The following COL15A1 variants were observed in gnomAD, a reference collection of about 807,000 sequenced individuals.
COL15A1 encodes collagen alpha-1(XV) chain.
A neutral mutation model predicts 165.9 loss-of-function variants in COL15A1; 111 were observed. The ratio of observed to expected loss-of-function variants is 0.67; its 90% CI spans 0.57 to 0.78. The LOEUF is 0.78. Among genes scored for constraint, COL15A1 ranks in the 30% least tolerant of loss-of-function variants. COL15A1 has a pLI of 0.00. For missense variants in COL15A1, 1,745 were observed against 1,789.7 expected (o/e 0.98, Z 0.45); for synonymous variants, 659 against 674.8 (o/e 0.98, Z 0.36).
At chr9:98,953,183 G>A (rs140027294) in intron 2 of COL15A1, among the ~76,000 whole-genome samples, 1 of 152,330 alleles carries the variant, frequency 6.6e-6, no homozygotes, top group African/African-American at 2.4e-5. Context: ...CAAAGTCAGA[G>A]CATCAGATTG....
At chr9:99,068,943 A>T (rs1825939757) in intron 41 of COL15A1, among the ~76,000 whole-genome samples, 1 of 152,226 alleles carries the variant, frequency 6.6e-6, no homozygotes, top group Admixed American at 6.5e-5. Context: ...TATGTCATAG[A>T]ATTGTGAGAA....
At chr9:98,975,098 G>A (rs534550551) in intron 2 of COL15A1, among the ~76,000 whole-genome samples, 1 of 152,364 alleles carries the variant, frequency 6.6e-6, no homozygotes, top group Admixed American at 6.5e-5. Flanking sequence ...GCCAGGAGCC[G>A]CTGCCGCGCA....
intron 30 of COL15A1, among the ~76,000 whole-genome samples, chr9:99,051,375 A>G (rs1048346224): frequency 2.0e-5 from 3 of 152,114 alleles, no homozygotes; most frequent in African/African-American, 7.2e-5. Flanking sequence ...AAGATTTTTT[A>G]CTTCATATTG....
chr9:99,020,429 C>A lies in COL15A1; in HGVS notation c.1688C>A (p.Pro563His). Residue 563 changes from proline to histidine, a missense_variant, in exon 12 of 42, where the codon CCC becomes CAC. Coordinates refer to ENST00000375001, the MANE Select transcript of COL15A1 (RefSeq NM_001855.5). ...GTGGGAATGAAAGGACAGGCTGGGC[C>A]CAAAGGAGAAAAGGTTTGTGCTGTG... is the stretch of plus-strand genomic sequence containing the variant. ...EHVGMKGQAG[P>H]KGEKGDAGEE... The A allele has an allele frequency of 6.2e-7, 1 of 1,612,676 alleles. No individual in the cohort carries two copies. Among genetic ancestry groups the A allele is most frequent in the Non-Finnish European group, 8.5e-7 (1 of 1,178,718 alleles).
Position 99,044,770 on chromosome 9 carries a change from G to A in COL15A1, c.2679G>A (p.Met893Ile), listed in dbSNP as rs771682725. The A allele has an allele frequency of 2.5e-6, 4 of 1,613,170 alleles. No individual in the cohort carries two copies. Among genetic ancestry groups the A allele is most frequent in the Non-Finnish European group, 3.4e-6 (4 of 1,179,230 alleles). ...GAATGCATGGAGCCCCAGGACCAAT[G>A]GTAAGTCAGAGCGTCTCTCAGCTGG... ...EPGMHGAPGP[M>I]GPKGPPGHKG... is the part of the protein sequence containing the mutation. The change falls in exon 26 of 42, where the codon ATG becomes ATA. Residue 893 changes from methionine (M) to isoleucine (I), a missense_variant and splice_region_variant. Physicochemically the swap from Met to Ile is conservative, Grantham distance 10. Coordinates refer to ENST00000375001, the MANE Select transcript of COL15A1 (RefSeq NM_001855.5).
At chr9:99,066,116 G>T (rs1315753568) in intron 39 of COL15A1, among the ~76,000 whole-genome samples, 1 of 152,134 alleles carries the variant, frequency 6.6e-6, no homozygotes. Context: ...CCCCCGAGAT[G>T]AGATTGATGG....
At chr9:99,050,208 C>T (rs1387561399) in intron 30 of COL15A1, among the ~76,000 whole-genome samples, 2 of 152,172 alleles carry the variant, frequency 1.3e-5, no homozygotes, top group African/African-American at 2.4e-5. Context: ...AAAATAGACC[C>T]GTTAGAAAAC....
intron 19 of COL15A1, 122 bp downstream of exon 19, chr9:99,035,540 C>A: frequency 8.3e-7 from 1 of 1,203,288 alleles, no homozygotes; most frequent in Non-Finnish European, 1.2e-6. Flanking sequence ...TGCCTCCAGC[C>A]CCCAACTGTG....
At chr9:98,945,099 TGATTCCAGTATATACTA>T (rs953235317) in intron 2 of COL15A1, among the ~76,000 whole-genome samples, 72 of 152,336 alleles carry the variant, frequency 4.7e-4, no homozygotes, top group African/African-American at 1.6e-3. Flanking sequence ...GTGCTTCCCA[TGATTCCAGTATATACTA>T]GGCACAAAAT....
Position 99,016,092 on chromosome 9 carries a change from A to G in COL15A1, c.1620A>G (p.Thr540=). Residue 540 remains threonine, a synonymous_variant, in exon 11 of 42, where the codon ACA becomes ACG. Transcript: ENST00000375001. ...ATGGGCCACCGCTGCCCCTGCCCACAGTGGCTCCTGAAAGATGGATCACTC... is the reference window on the plus strand; with the variant it reads ...ATGGGCCACCGCTGCCCCTGCCCACGGTGGCTCCTGAAAGATGGATCACTC... ...PPDGPPLPLP[T]VAPERWITPA... 6.2e-7 allele frequency: 1 copy of G among 1,613,036 alleles called. No homozygotes were observed. The highest frequency in any genetic ancestry group is 1.1e-5 in the South Asian group (1 of 90,990).
intron 2 of COL15A1, among the ~76,000 whole-genome samples, chr9:98,954,068 C>G (rs1207230133): frequency 6.6e-6 from 1 of 152,136 alleles, no homozygotes; most frequent in Non-Finnish European, 1.5e-5. Context: ...AGACAGTGCG[C>G]AGAAGCTGGC....
chr9:98,989,788 C>T (rs1175659434), intron 5 of COL15A1, among the ~76,000 whole-genome samples: 1 of 152,198 alleles, frequency 6.6e-6, no homozygotes, highest in African/African-American at 2.4e-5. Flanking sequence ...ACAGAGTCCT[C>T]CAGGGAGCTC....
intron 2 of COL15A1, among the ~76,000 whole-genome samples, chr9:98,975,167 C>G (rs1222649603): frequency 6.6e-6 from 1 of 152,268 alleles, no homozygotes; most frequent in Non-Finnish European, 1.5e-5. Flanking sequence ...CCGCAGCGCT[C>G]CTTCACCTGG....
At chr9:98,996,873 G>A in intron 5 of COL15A1, 61 bp from the exon 6 acceptor site, 3 of 1,596,872 alleles carry the variant, frequency 1.9e-6, no homozygotes, top group Non-Finnish European at 1.7e-6. Context: ...GATATTCTCT[G>A]TCATTTCTTC....
chr9:99,057,540 T>C (rs1339287676), intron 35 of COL15A1, among the ~76,000 whole-genome samples: 2 of 152,154 alleles, frequency 1.3e-5, no homozygotes, highest in African/African-American at 4.8e-5. Context: ...GCTATGGTAT[T>C]TTATTGAAAC....
At position 99,047,958 on chromosome 9, in the gene COL15A1, T is replaced by C; in HGVS notation, c.2751T>C (p.Asn917=). 6.2e-7 allele frequency: 1 copy of C among 1,608,016 alleles called. No homozygotes were observed. Among genetic ancestry groups the C allele is most frequent in the East Asian group, 2.2e-5 (1 of 44,796 alleles). Residue 917 remains asparagine, a synonymous_variant, in exon 28 of 42, where the codon AAT becomes AAC. Transcript: ENST00000375001. ...GGTTCCAGGGTCGCCCAGGACTGAA[T>C]GGCCTCAAGGGTACCAAAGGAGATC... ...LPGRPGRPGL[N]GLKGTKGDPG...
intron 14 of COL15A1, 84 bp from the exon 15 acceptor site, chr9:99,024,790 A>G (rs1298245497): frequency 1.3e-6 from 2 of 1,483,020 alleles, no homozygotes; most frequent in Non-Finnish European, 1.8e-6. Flanking sequence ...TTGTTGAAAG[A>G]ATTTGAGAGA....
At position 99,070,098 on chromosome 9, in the gene COL15A1, G is replaced by C. The variant is rs1825962236; in HGVS notation, c.*212G>C. The C allele has an allele frequency of 2.0e-6, 1 of 509,794 alleles. No homozygotes were observed. The highest frequency in any genetic ancestry group is 3.4e-6 in the Non-Finnish European group (1 of 289,964). The allele number at this position is 509,794 out of a possible 1,614,324, so 31.6% of individuals were successfully genotyped here. On this transcript the variant is annotated 3_prime_UTR_variant, in exon 42 of 42. Coordinates refer to ENST00000375001, the MANE Select transcript of COL15A1 (RefSeq NM_001855.5). ...AAAGACAAAATCTGATCCATATATT[G>C]GTGCTAGATTCTGCAGGAAACCCCA...
chr9:99,038,734 G>C lies in COL15A1; in HGVS notation c.2475+1G>C. On this transcript the variant is annotated splice_donor_variant, in intron 22 of 41. Coordinates refer to ENST00000375001, the MANE Select transcript of COL15A1 (RefSeq NM_001855.5). LOFTEE classifies it high-confidence loss of function. ...CATTCCTGAGCTGGTGGGGCCTCCGGTTGGTATCTACAGCTGCCCCAGAAT... is the reference window on the plus strand; with the variant it reads ...CATTCCTGAGCTGGTGGGGCCTCCGCTTGGTATCTACAGCTGCCCCAGAAT... The C allele has an allele frequency of 6.3e-7, 1 of 1,595,956 alleles. No homozygotes were observed. The highest frequency in any genetic ancestry group is 8.6e-7 in the Non-Finnish European group (1 of 1,163,476).
Sources: allele counts gnomAD v4.1 joint callset (sites outside exome capture counted in the v4.1 genomes callset), GRCh38; gene constraint gnomAD v4.1.1; transcripts MANE v1.5; gene names NCBI Gene and HGNC (gene_info 2026-07-23, HGNC 2026-07-21).